Variants in NXPE4 observed in about 807,000 individuals in gnomAD.
NXPE4 encodes neurexophilin and PC-esterase domain family member 4, also known as NXPE family member 4.
In NXPE4, 42 loss-of-function variants were observed where a neutral mutation model predicts 33.3. That is an observed-to-expected ratio of 1.26 (90% CI 0.98 to 1.63). NXPE4 has a LOEUF of 1.63. NXPE4 is among the 40% of genes most tolerant of loss of function. The pLI, the probability that NXPE4 is intolerant of heterozygous loss-of-function variation, is 0.00. For synonymous variants in NXPE4, 253 were observed against 234.9 expected (o/e 1.08, Z -0.71); for missense variants, 709 against 647.6 (o/e 1.09, Z -1.03).
At chr11:114,644,155 GC>G in the NXPE4 span, among the ~76,000 whole-genome samples, 3 of 152,238 alleles carry the variant, frequency 2.0e-5, no homozygotes, top group African/African-American at 7.2e-5. Flanking sequence ...GAGATTTTGG[GC>G]TGAGATGATG....
Position 114,582,912 on chromosome 11 carries a change from T to A in NXPE4, c.206A>T (p.Glu69Val). Residue 69 changes from glutamate to valine, a missense_variant, in exon 3 of 6, where the codon GAA (glutamate) becomes GTA (valine). Transcript: ENST00000375478. ...LISLKPLTET[E>V]LRIKEIIEKL... ...CTCTATGATTTCCTTTATTCTGAGTTCAGTCTCTGTTAGTGGCTTTAATGA... is the reference window on the plus strand; with the variant it reads ...CTCTATGATTTCCTTTATTCTGAGTACAGTCTCTGTTAGTGGCTTTAATGA... The A allele has an allele frequency of 1.2e-6, 2 of 1,614,196 alleles. No individual in the cohort carries two copies. The highest frequency in any genetic ancestry group is 1.7e-6 in the Non-Finnish European group (2 of 1,180,026).
At chr11:114,605,487 G>C in the NXPE4 span, among the ~76,000 whole-genome samples, 46 of 151,818 alleles carry the variant, frequency 3.0e-4, no homozygotes, top group Non-Finnish European at 5.9e-4. Context: ...CAGTTACCCG[G>C]TGGATAATAA....
At chr11:114,646,942 G>C in the NXPE4 span, among the ~76,000 whole-genome samples, 1 of 152,140 alleles carries the variant, frequency 6.6e-6, no homozygotes, top group Non-Finnish European at 1.5e-5. Context: ...TAAGAAGCAT[G>C]AGATTGGAGA....
At chr11:114,625,272 C>T in the NXPE4 span, among the ~76,000 whole-genome samples, 367 of 148,336 alleles carry the variant, frequency 2.5e-3, 1 homozygote, top group African/African-American at 8.5e-3. Flanking sequence ...GTGGGTAATA[C>T]GAGTTGCCTC....
chr11:114,663,697 T>TCTATCTAC, the NXPE4 span, among the ~76,000 whole-genome samples: 2 of 151,350 alleles, frequency 1.3e-5, no homozygotes, highest in Non-Finnish European at 2.9e-5. Flanking sequence ...TATCTATCTA[T>TCTATCTAC]CTATCTATCT....
intron 1 of NXPE4, among the ~76,000 whole-genome samples, chr11:114,595,087 CT>C (rs1175309039): frequency 4.6e-5 from 7 of 152,112 alleles, no homozygotes; most frequent in Non-Finnish European, 1.0e-4. Flanking sequence ...TATTTGTCAC[CT>C]ATCAGGTTCC....
At chr11:114,671,682 G>T in the NXPE4 span, among the ~76,000 whole-genome samples, 1 of 152,010 alleles carries the variant, frequency 6.6e-6, no homozygotes, top group Non-Finnish European at 1.5e-5. Context: ...TCAACAGAGT[G>T]TTTTATCTAG....
the NXPE4 span, among the ~76,000 whole-genome samples, chr11:114,603,793 A>G: frequency 6.6e-6 from 1 of 151,780 alleles, no homozygotes. Flanking sequence ...CTGGAGGATA[A>G]TAAGTATTGC....
the NXPE4 span, among the ~76,000 whole-genome samples, chr11:114,658,504 G>C: frequency 7.9e-5 from 12 of 152,226 alleles, no homozygotes; most frequent in East Asian, 5.8e-4. Context: ...AGGCCTGGAG[G>C]GGGAGGGTAG....
intron 5 of NXPE4, among the ~76,000 whole-genome samples, chr11:114,576,072 A>G (rs1193926928): frequency 6.6e-6 from 1 of 152,206 alleles, no homozygotes; most frequent in Admixed American, 6.5e-5. Flanking sequence ...CTGATCTTTG[A>G]CAAAGCAAAC....
At chr11:114,662,747 T>G in the NXPE4 span, among the ~76,000 whole-genome samples, 3 of 152,136 alleles carry the variant, frequency 2.0e-5, no homozygotes, top group African/African-American at 7.2e-5. Flanking sequence ...GTTGTGAGGC[T>G]GCCGTTCCAG....
At chr11:114,675,760 AC>A in the NXPE4 span, among the ~76,000 whole-genome samples, 1 of 151,978 alleles carries the variant, frequency 6.6e-6, no homozygotes, top group African/African-American at 2.4e-5. Flanking sequence ...TCTGAAACTT[AC>A]ATGGAACCAC....
At chr11:114,613,854 C>T in the NXPE4 span, among the ~76,000 whole-genome samples, 1 of 151,140 alleles carries the variant, frequency 6.6e-6, no homozygotes, top group Non-Finnish European at 1.5e-5. Context: ...ATACGTATTG[C>T]CTAATAGGTA....
At chr11:114,637,231 C>G in the NXPE4 span, among the ~76,000 whole-genome samples, 20 of 151,808 alleles carry the variant, frequency 1.3e-4, no homozygotes, top group African/African-American at 4.8e-4. Context: ...CCTTCTTTGT[C>G]TCTTTTGATC....
At chr11:114,659,780 A>C in the NXPE4 span, among the ~76,000 whole-genome samples, 1 of 152,162 alleles carries the variant, frequency 6.6e-6, no homozygotes, top group South Asian at 2.1e-4. Context: ...AAAGAAAAAC[A>C]AATTAAACCC....
intron 5 of NXPE4, among the ~76,000 whole-genome samples, chr11:114,575,011 A>C (rs1214913986): frequency 1.3e-5 from 2 of 152,204 alleles, no homozygotes; most frequent in Non-Finnish European, 2.9e-5. Context: ...AGTGGGTTTC[A>C]TACCAGGGAC....
the NXPE4 span, among the ~76,000 whole-genome samples, chr11:114,605,525 C>T: frequency 2.2e-4 from 33 of 151,770 alleles, no homozygotes; most frequent in African/African-American, 6.5e-4. Flanking sequence ...ACCACAGTTA[C>T]CCGGTGGATA....
Position 114,582,793 on chromosome 11 carries a change from C to T in NXPE4, c.325G>A (p.Asp109Asn). ...AGCTGGTCTCCCCTGCAGTACGTAT[C>T]TCGAGGGTTGAGGATGGTGGCTGTG... ...HSTATILNPR[D>N]TYCRGDQLHI... Residue 109 changes from aspartate (D) to asparagine (N), a missense_variant, in exon 3 of 6, where the codon GAT becomes AAT. Asp to Asn is a conservative substitution (Grantham distance 23). Coordinates refer to ENST00000375478, the MANE Select transcript of NXPE4 (RefSeq NM_001077639.2). The T allele has an allele frequency of 6.2e-7, 1 of 1,614,148 alleles. No homozygotes were observed. The highest frequency in any genetic ancestry group is 2.2e-5 in the East Asian group (1 of 44,882).
chr11:114,600,841 A>T, the NXPE4 span, among the ~76,000 whole-genome samples: 1 of 152,084 alleles, frequency 6.6e-6, no homozygotes, highest in Non-Finnish European at 1.5e-5. Context: ...AGAATCCTCT[A>T]TACTATTTTG....
Sources: allele counts gnomAD v4.1 joint callset (sites outside exome capture counted in the v4.1 genomes callset), GRCh38; gene constraint gnomAD v4.1.1; transcripts MANE v1.5; gene names NCBI Gene and HGNC (gene_info 2026-07-23, HGNC 2026-07-21).